Variants in CIMIP2B observed in about 807,000 individuals in gnomAD.
CIMIP2B encodes family with sequence similarity 166 member B.
chr9:35,563,150 A>C, the CIMIP2B span: 1 of 1,613,786 alleles, frequency 6.2e-7, no homozygotes, highest in Non-Finnish European at 8.5e-7. Flanking sequence ...GCACCTGTGC[A>C]TACCTGCGTA....
chr9:35,563,067 C>A, the CIMIP2B span: 1 of 1,613,962 alleles, frequency 6.2e-7, no homozygotes, highest in Non-Finnish European at 8.5e-7. Flanking sequence ...TGAACTGTGC[C>A]CGGGGTACAA....
At chr9:35,563,405 T>C in the CIMIP2B span, 17 of 1,586,156 alleles carry the variant, frequency 1.1e-5, no homozygotes, top group East Asian at 3.9e-4. Flanking sequence ...GCACAGACTC[T>C]CCCACTCACC....
the CIMIP2B span, chr9:35,562,300 C>A: frequency 2.0e-5 from 25 of 1,278,428 alleles, no homozygotes; most frequent in Non-Finnish European, 2.5e-5. Flanking sequence ...AGTTTCAACC[C>A]CCACAAACCA....
the CIMIP2B span, chr9:35,561,934 CACCCACCTCTCT>C: frequency 2.0e-6 from 1 of 498,768 alleles, no homozygotes. Context: ...CCCACCCTCC[CACCCACCTCTCT>C]CCCTTCCAAA....
the CIMIP2B span, chr9:35,561,900 T>A: frequency 5.1e-6 from 4 of 789,784 alleles, no homozygotes; most frequent in Non-Finnish European, 2.1e-6. Context: ...TCCAAACCAT[T>A]TTCTCTTTGT....
chr9:35,563,065 G>A, the CIMIP2B span: 4,037 of 1,613,982 alleles, frequency 2.5e-3, 10 homozygotes, highest in Non-Finnish European at 3.1e-3. Context: ...GATGAACTGT[G>A]CCCGGGGTAC....
At chr9:35,561,957 A>G in the CIMIP2B span, 5 of 658,312 alleles carry the variant, frequency 7.6e-6, no homozygotes, top group South Asian at 4.4e-5. Context: ...CCCTTCCAAA[A>G]GGATGGCTGG....
At chr9:35,562,955 C>A in the CIMIP2B span, 2 of 1,613,916 alleles carry the variant, frequency 1.2e-6, no homozygotes, top group African/African-American at 2.7e-5. Context: ...TCCTTTCTTC[C>A]CTTGGCCTCC....
At chr9:35,563,792 G>T in the CIMIP2B span, 78 of 1,613,992 alleles carry the variant, frequency 4.8e-5, no homozygotes, top group Non-Finnish European at 2.5e-6. Context: ...GGGTTCTGAG[G>T]GTTGAGCCCT....
the CIMIP2B span, chr9:35,562,540 GA>G: frequency 1.3e-6 from 2 of 1,582,798 alleles, no homozygotes; most frequent in South Asian, 2.3e-5. Context: ...TGGAGCCGAA[GA>G]GGAAGCGGGC....
At chr9:35,562,042 C>CCAGAG in the CIMIP2B span, 1 of 1,534,226 alleles carries the variant, frequency 6.5e-7, no homozygotes, top group Non-Finnish European at 8.7e-7. Context: ...GTGCTGAGGC[C>CCAGAG]CAGAGCATCA....
At chr9:35,563,283 G>C in the CIMIP2B span, 1 of 1,613,974 alleles carries the variant, frequency 6.2e-7, no homozygotes, top group South Asian at 1.1e-5. Flanking sequence ...AGTGTGCGGT[G>C]GACAGGGGGC....
chr9:35,562,529 C>T, the CIMIP2B span: 13 of 1,576,630 alleles, frequency 8.2e-6, no homozygotes, highest in Non-Finnish European at 1.1e-5. Context: ...CACAGGAAAG[C>T]TGGAGCCGAA....
the CIMIP2B span, chr9:35,562,925 G>A: frequency 6.2e-7 from 1 of 1,613,960 alleles, no homozygotes. Context: ...TCCGGCTCTG[G>A]CACCTGGTCC....
chr9:35,562,335 A>T, the CIMIP2B span: 3 of 414,372 alleles, frequency 7.2e-6, no homozygotes, highest in Non-Finnish European at 7.0e-6. Context: ...TACCCATACA[A>T]ACAAACATTC....
At chr9:35,563,264 G>A in the CIMIP2B span, 1 of 1,614,014 alleles carries the variant, frequency 6.2e-7, no homozygotes, top group South Asian at 1.1e-5. Context: ...AGGCCGAATG[G>A]GAGGCAGAAG....
the CIMIP2B span, chr9:35,563,646 T>C: frequency 4.5e-6 from 4 of 894,542 alleles, no homozygotes; most frequent in East Asian, 5.2e-5. Context: ...TCCACCACCA[T>C]AGAGACCTCA....
chr9:35,562,107 A>G, the CIMIP2B span: 4 of 1,520,622 alleles, frequency 2.6e-6, no homozygotes, highest in Non-Finnish European at 1.8e-6. Flanking sequence ...TGTGTGGCCA[A>G]GAGAGTCTGT....
the CIMIP2B span, chr9:35,561,976 G>T: frequency 8.1e-7 from 1 of 1,235,000 alleles, no homozygotes; most frequent in South Asian, 1.3e-5. Flanking sequence ...GGGATAGGAT[G>T]AAAAGGGAAG....
Sources: gnomAD v4.1 joint callset for allele counts on GRCh38, gnomAD v4.1.1 for gene constraint, MANE v1.5 for transcripts, NCBI Gene and HGNC (gene_info 2026-07-23, HGNC 2026-07-21) for gene names.